The following SIM1 variants were observed in gnomAD, a reference collection of about 807,000 sequenced individuals.
SIM1 encodes the protein single-minded homolog 1.
Under a neutral mutation model 78.2 loss-of-function variants are expected in SIM1, and 18 were observed. The ratio of observed to expected loss-of-function variants is 0.23; its 90% CI spans 0.16 to 0.34. The LOEUF (loss-of-function observed/expected upper bound fraction) is 0.34, where lower values mean the gene tolerates loss of function less well. Among genes scored for constraint, SIM1 ranks in the 10% least tolerant of loss-of-function variants. The probability of loss-of-function intolerance (pLI) is 1.00; values close to 1 mark genes in which losing one functional copy is unlikely to be tolerated. For synonymous variants in SIM1, 417 were observed against 385.2 expected, an observed-to-expected ratio of 1.08 and a Z score of -0.97; for missense variants, 939 against 975.1, an observed-to-expected ratio of 0.96 and a Z score of 0.49.
chr6:100,409,528 C>T (rs1302360631), intron 10 of SIM1, among the ~76,000 whole-genome samples: 1 of 151,948 alleles, frequency 6.6e-6, no homozygotes, highest in African/African-American at 2.4e-5. Context: ...TTTCCATTCT[C>T]TATTTCATTT....
chr6:100,401,450 T>C (rs12662778), intron 10 of SIM1, among the ~76,000 whole-genome samples: 56,312 of 151,888 alleles, frequency 0.37, 10,923 homozygotes, highest in East Asian at 0.75. Context: ...TTAAATATTC[T>C]GATATTGATA....
Position 100,393,689 on chromosome 6 carries a change from C to A in SIM1, c.1368G>T (p.Leu456=). Residue 456 remains leucine, a synonymous_variant, in exon 11 of 12, where the codon CTG becomes CTT. Coordinates refer to ENST00000369208, the MANE Select transcript of SIM1 (RefSeq NM_005068.3). ...GGGTATGGAAATGCCTCTCTTCCAC[C>A]AGCCTCGAGTGGTCAAGCGCAAAGC... The part of the protein sequence containing the change: ...CYGFALDHSR[L]VEERHFHTQA... 5 of 1,614,026 alleles carry A rather than the reference C, an allele frequency of 3.1e-6. No homozygotes were observed. The highest frequency in any genetic ancestry group is 4.2e-6 in the Non-Finnish European group (5 of 1,179,888).
intron 10 of SIM1, among the ~76,000 whole-genome samples, chr6:100,419,114 C>T (rs1298099187): frequency 4.6e-5 from 7 of 151,896 alleles, no homozygotes; most frequent in Non-Finnish European, 4.4e-5. Flanking sequence ...TGTGGTGAGC[C>T]GAGATTGCAC....
intron 10 of SIM1, among the ~76,000 whole-genome samples, chr6:100,400,382 T>C (rs1181445222): frequency 6.6e-6 from 1 of 151,840 alleles, no homozygotes; most frequent in Non-Finnish European, 1.5e-5. Flanking sequence ...GTAAATTTCA[T>C]GGAGTAGAAA....
chr6:100,419,152 C>T (rs560482143), intron 10 of SIM1, among the ~76,000 whole-genome samples: 6 of 152,094 alleles, frequency 3.9e-5, no homozygotes, highest in African/African-American at 4.8e-5. Context: ...GGCAACAGTG[C>T]GAGACTCCAT....
At chr6:100,415,957 A>T (rs1771388241) in intron 10 of SIM1, among the ~76,000 whole-genome samples, 1 of 152,132 alleles carries the variant, frequency 6.6e-6, no homozygotes, top group African/African-American at 2.4e-5. Context: ...CTTTTCCTTC[A>T]GGTTCACTAA....
At chr6:100,447,991 C>T (rs1373725252) in intron 8 of SIM1, among the ~76,000 whole-genome samples, 155 bp downstream of exon 8, 1 of 152,226 alleles carries the variant, frequency 6.6e-6, no homozygotes. Flanking sequence ...GGCCCAGTGT[C>T]GGAGAAGTCC....
chr6:100,453,023 G>A (rs988080070), intron 3 of SIM1, among the ~76,000 whole-genome samples: 5 of 152,286 alleles, frequency 3.3e-5, no homozygotes, highest in South Asian at 2.1e-4. Flanking sequence ...TAATAATAAT[G>A]ATGATGTTGC....
intron 2 of SIM1, among the ~76,000 whole-genome samples, chr6:100,462,174 C>T (rs994044535): frequency 2.0e-5 from 3 of 151,984 alleles, no homozygotes; most frequent in South Asian, 4.2e-4. Flanking sequence ...AACCACAAAC[C>T]CCAAACATCT....
intron 10 of SIM1, among the ~76,000 whole-genome samples, chr6:100,398,727 A>G (rs920813969): frequency 6.6e-6 from 1 of 152,130 alleles, no homozygotes; most frequent in Non-Finnish European, 1.5e-5. Context: ...TACGATGAAC[A>G]TGGGTGTACA....
chr6:100,434,535 G>T (rs1394067295), intron 9 of SIM1, among the ~76,000 whole-genome samples: 1 of 152,202 alleles, frequency 6.6e-6, no homozygotes, highest in Non-Finnish European at 1.5e-5. Context: ...ACACGTTATA[G>T]TCATTACAAG....
At position 100,393,744 on chromosome 6, in the gene SIM1, T is replaced by C. The variant is rs748472934; in HGVS notation, c.1313A>G (p.Gln438Arg). The C allele has an allele frequency of 1.2e-6, 2 of 1,614,186 alleles. No homozygotes were observed. The highest frequency in any genetic ancestry group is 1.3e-5 in the African/African-American group (1 of 75,050). The stretch of plus-strand genomic sequence containing the variant: ...GCAGAGAGAGCTGCGGTCCGAAAAC[T>C]GTCTGTAGGCGCACGATGCGTCGTG... ...SQHDASCAYR[Q>R]FSDRSSLCYG... Residue 438 changes from glutamine to arginine, a missense_variant, in exon 11 of 12, where the codon CAG (glutamine) becomes CGG (arginine). Physicochemically the swap from Gln to Arg is conservative, Grantham distance 43. Coordinates refer to ENST00000369208, the MANE Select transcript of SIM1 (RefSeq NM_005068.3).
intron 6 of SIM1, 80 bp downstream of exon 6, chr6:100,449,283 G>A: frequency 8.3e-7 from 1 of 1,198,828 alleles, no homozygotes; most frequent in South Asian, 1.3e-5. Context: ...CCCAGAGGTA[G>A]GGACATTCCT....
chr6:100,450,859 GA>G (rs1485374051), intron 3 of SIM1, among the ~76,000 whole-genome samples: 1 of 152,152 alleles, frequency 6.6e-6, no homozygotes, highest in African/African-American at 2.4e-5. Context: ...AAAGTTTGTA[GA>G]CAGAAGAAAG....
chr6:100,429,159 A>T (rs1252570808), intron 9 of SIM1, among the ~76,000 whole-genome samples: 3 of 152,226 alleles, frequency 2.0e-5, no homozygotes, highest in Non-Finnish European at 2.9e-5. Flanking sequence ...ACTTGAGGTC[A>T]GGAGTTTGAG....
At chr6:100,438,931 A>C (rs1035455346) in intron 9 of SIM1, among the ~76,000 whole-genome samples, 1 of 152,164 alleles carries the variant, frequency 6.6e-6, no homozygotes, top group Non-Finnish European at 1.5e-5. Context: ...AGGCATAAGA[A>C]TGGTATAATG....
At chr6:100,453,367 G>A (rs1320917145) in intron 3 of SIM1, among the ~76,000 whole-genome samples, 1 of 152,174 alleles carries the variant, frequency 6.6e-6, no homozygotes, top group East Asian at 1.9e-4. Flanking sequence ...CCAGATTCCT[G>A]TTATTTCCTT....
intron 2 of SIM1, among the ~76,000 whole-genome samples, chr6:100,458,304 T>A (rs1415371429): frequency 6.6e-6 from 1 of 152,150 alleles, no homozygotes; most frequent in Non-Finnish European, 1.5e-5. Flanking sequence ...GGTCTTCGAA[T>A]GCGGCCCAGC....
At chr6:100,406,431 T>C (rs1365106149) in intron 10 of SIM1, among the ~76,000 whole-genome samples, 3 of 152,236 alleles carry the variant, frequency 2.0e-5, no homozygotes, top group Non-Finnish European at 4.4e-5. Context: ...AAGCTGTTCT[T>C]GGGAGTGTCC....
Sources: gnomAD v4.1 joint callset for allele counts (sites outside exome capture counted in the v4.1 genomes callset) on GRCh38, gnomAD v4.1.1 for gene constraint, MANE v1.5 for transcripts, NCBI Gene and HGNC (gene_info 2026-07-23, HGNC 2026-07-21) for gene names.